The following CCDC47 variants were observed in gnomAD, a reference collection of about 807,000 sequenced individuals.
CCDC47 encodes the protein coiled-coil domain containing 47, also known as PAT complex subunit CCDC47.
CCDC47 carries 41 observed loss-of-function variants against 60.5 expected under a neutral mutation model. The ratio of observed to expected loss-of-function variants is 0.68; its 90% CI spans 0.53 to 0.88. The LOEUF (loss-of-function observed/expected upper bound fraction) is 0.88, where lower values mean the gene tolerates loss of function less well. Among genes scored for constraint, CCDC47 ranks in the 40% least tolerant of loss-of-function variants. The probability of loss-of-function intolerance (pLI) is 0.00; values close to 1 mark genes in which losing one functional copy is unlikely to be tolerated. For missense variants in CCDC47, 513 were observed against 580.9 expected, an observed-to-expected ratio of 0.88 and a Z score of 1.20; for synonymous variants, 195 against 190.7, an observed-to-expected ratio of 1.02 and a Z score of -0.18.
rs938028939 is a variant in CCDC47 at position 63,765,958 on chromosome 17, C to G, written c.218G>C (p.Gly73Ala). 1.2e-6 allele frequency: 2 copies of G among 1,614,020 alleles called. No individual in the cohort carries two copies. The highest frequency in any genetic ancestry group is 1.7e-6 in the Non-Finnish European group (2 of 1,179,968). The change falls in exon 2 of 13, where the codon GGG (glycine) becomes GCG (alanine). Residue 73 changes from glycine (G) to alanine (A), a missense_variant. Transcript: ENST00000225726. The part of the protein sequence containing the change: ...DEDETTVELE[G>A]QDENQEGDFE... ...ATCTCCTTCTTGGTTTTCATCCTGC[C>G]CTTCCAACTCCACAGTGGTCTCATC...
intron 3 of CCDC47, among the ~76,000 whole-genome samples, chr17:63,764,509 G>A (rs1285657614): frequency 6.6e-6 from 1 of 151,706 alleles, no homozygotes; most frequent in African/African-American, 2.4e-5. Flanking sequence ...TCCCTGATAA[G>A]TAGTAAAACT....
At position 63,756,572 on chromosome 17, in the gene CCDC47, TTTTAAAAAAA is replaced by T; in HGVS notation, c.736-12_736-3del. On this transcript the variant is annotated splice_region_variant and splice_polypyrimidine_tract_variant and intron_variant, in intron 6 of 12. Transcript: ENST00000225726. Reference sequence around the variant, plus strand: ...ATCATTCATGGTTACTTTTATTTGCTTTTAAAAAAATGTAAAAAACAACAAAATTCACCTG... The same window carrying T: ...ATCATTCATGGTTACTTTTATTTGCTTGTAAAAAACAACAAAATTCACCTG... 6.2e-7 allele frequency: 1 copy of T among 1,607,926 alleles called. No homozygotes were observed. Among genetic ancestry groups the T allele is most frequent in the Non-Finnish European group, 8.5e-7 (1 of 1,175,230 alleles).
intron 2 of CCDC47, chr17:63,765,626 C>G (rs1002038670): frequency 6.6e-6 from 7 of 1,065,098 alleles, no homozygotes; most frequent in Non-Finnish European, 6.9e-6. Context: ...AGGCATGAGC[C>G]ACCGTGCCCA....
At chr17:63,773,389 G>A (rs188786413) in intron 1 of CCDC47, 23 bp downstream of exon 1, 2 of 152,318 alleles carry the variant, frequency 1.3e-5, no homozygotes, top group Non-Finnish European at 2.9e-5. Context: ...ACGCCGACGA[G>A]CGCGTCCTGG....
rs1246175351 is a variant in CCDC47 at position 63,761,333 on chromosome 17, T to C, written c.566A>G (p.Lys189Arg). Residue 189 changes from lysine (K) to arginine (R), a missense_variant, in exon 5 of 13, where the codon AAA (lysine) becomes AGA (arginine). Coordinates refer to ENST00000225726, the MANE Select transcript of CCDC47 (RefSeq NM_020198.3). ...FTLVGDDGTN[K>R]EATSTGKLNQ... ...CAACTTTCCTGTGCTTGTGGCTTCT[T>C]TGTTAGTTCCATCATCCCCTAGGGG... is the stretch of plus-strand genomic sequence containing the variant. 5 of 1,613,856 alleles carry C rather than the reference T, an allele frequency of 3.1e-6. No individual in the cohort carries two copies. The highest frequency in any genetic ancestry group is 1.7e-5 in the Admixed American group (1 of 59,976).
intron 1 of CCDC47, among the ~76,000 whole-genome samples, chr17:63,767,713 T>C (rs1309423147): frequency 2.0e-5 from 3 of 152,144 alleles, no homozygotes; most frequent in Non-Finnish European, 2.9e-5. Flanking sequence ...ATTGTTCTTT[T>C]TTTAAAAAAA....
chr17:63,761,146 T>G, intron 5 of CCDC47, 84 bp downstream of exon 5: 1 of 1,544,736 alleles, frequency 6.5e-7, no homozygotes. Flanking sequence ...CATGAAGGGA[T>G]AAGATGCTGA....
rs1038795273 is a variant in CCDC47, at chr17:63,773,433, G to C, written c.-41C>G. ...TTACCTGTGGCCGAAGCCGAAACCC[G>C]GCCCAGCGCCCTGCGTCCGACACCC... On this transcript the variant is annotated 5_prime_UTR_variant, in exon 1 of 13. Transcript: ENST00000225726. The C allele has an allele frequency of 2.0e-5, 3 of 152,380 alleles. No homozygotes were observed. Among genetic ancestry groups the C allele is most frequent in the South Asian group, 2.1e-4 (1 of 4,838 alleles). The allele number at this position is 152,380 out of a possible 1,614,324, so 9.4% of individuals were successfully genotyped here. A position where few individuals can be genotyped will look rare whatever the true frequency, so the allele number is the denominator to read the frequency against.
chr17:63,750,181 T>C (rs2144468458), intron 12 of CCDC47, among the ~76,000 whole-genome samples: 1 of 152,272 alleles, frequency 6.6e-6, no homozygotes, highest in East Asian at 1.9e-4. Context: ...TTTAACTCAT[T>C]ATAGTTTCAA....
chr17:63,760,963 T>C lies in CCDC47; in HGVS notation c.686A>G (p.Asp229Gly), dbSNP rs746553888. 2.5e-6 allele frequency: 4 copies of C among 1,613,466 alleles called. No homozygotes were observed. The highest frequency in any genetic ancestry group is 3.4e-6 in the Non-Finnish European group (4 of 1,179,650). ...LIQLRFLKRQ[D>G]LLNVLARMMR... is the part of the protein sequence containing the mutation. ...CATCCGGGCCAGGACATTCAGTAAG[T>C]CTTGTCTCTTGAGGAACTGAAAAAA... is the stretch of plus-strand genomic sequence containing the variant. Residue 229 changes from aspartate (D) to glycine (G), a missense_variant, in exon 6 of 13, where the codon GAC becomes GGC. Transcript: ENST00000225726.
In CCDC47 at chr17:63,769,561, C is replaced by T. The variant is rs183076293; in HGVS notation, c.-19-3367G>A. 8.4e-4 allele frequency among the ~76,000 whole-genome samples: 119 copies of T among 142,216 alleles called. 1 individual carries two copies. In the Middle Eastern group the frequency reaches 0.019, roughly 22 times the overall value. The allele number at this position is 142,216 out of a possible 152,430, so 93.3% of individuals were successfully genotyped here. On this transcript the variant is annotated intron_variant, in intron 1 of 12. Coordinates refer to ENST00000225726, the MANE Select transcript of CCDC47 (RefSeq NM_020198.3). ...TCAGGAGGTGGAGGTTGCAGTGAGC[C>T]GAGACAGCGCCATTGCAGTCCAGCC... is the stretch of plus-strand genomic sequence containing the variant.
At chr17:63,752,542 G>A in intron 10 of CCDC47, 113 bp from the exon 11 acceptor site, 1 of 784,684 alleles carries the variant, frequency 1.3e-6, no homozygotes, top group South Asian at 2.3e-5. Context: ...AAGTTTGTTA[G>A]GCAGTTAAAA....
chr17:63,753,850 A>G (rs979979552), intron 9 of CCDC47, among the ~76,000 whole-genome samples: 3 of 152,196 alleles, frequency 2.0e-5, no homozygotes, highest in African/African-American at 7.2e-5. Flanking sequence ...GCTCACGCTT[A>G]TAATTCCAGC....
intron 6 of CCDC47, among the ~76,000 whole-genome samples, chr17:63,760,062 C>CAAAAAAAAAAAAAAAAAAAAAAAAAAAA: frequency 1.0e-5 from 1 of 98,460 alleles, no homozygotes; most frequent in Non-Finnish European, 2.0e-5. Context: ...GACTCCGTCT[C>CAAAAAAAAAAAAAAAAAAAAAAAAAAAA]AAAAAAAAAA....
intron 11 of CCDC47, 41 bp from the exon 12 acceptor site, chr17:63,752,148 T>C: frequency 6.3e-7 from 1 of 1,599,628 alleles, no homozygotes; most frequent in African/African-American, 1.3e-5. Flanking sequence ...AATCCATTTC[T>C]AGTCAACAGC....
chr17:63,748,519 G>T (rs1439229351), intron 12 of CCDC47, among the ~76,000 whole-genome samples: 1 of 152,010 alleles, frequency 6.6e-6, no homozygotes, highest in Non-Finnish European at 1.5e-5. Flanking sequence ...CTGCCTCCCA[G>T]GTTCGATCCC....
chr17:63,750,474 C>T (rs1050360927), intron 12 of CCDC47, among the ~76,000 whole-genome samples: 2 of 152,162 alleles, frequency 1.3e-5, no homozygotes, highest in Non-Finnish European at 2.9e-5. Context: ...AATGCAGGCC[C>T]GCACAGCAGC....
At chr17:63,761,564 G>A (rs1005195015) in intron 4 of CCDC47, 19 of 344,934 alleles carry the variant, frequency 5.5e-5, no homozygotes, top group Non-Finnish European at 8.3e-5. Context: ...GGGCATGGTG[G>A]CGCGTACCTG....
At chr17:63,769,608 C>CATCT (rs1247492429) in intron 1 of CCDC47, among the ~76,000 whole-genome samples, 1 of 102,226 alleles carries the variant, frequency 9.8e-6, no homozygotes, top group Non-Finnish European at 1.9e-5. Flanking sequence ...AGTGAAACTC[C>CATCT]ATCTCAAAAA....
Sources: allele counts gnomAD v4.1 joint callset (sites outside exome capture counted in the v4.1 genomes callset), GRCh38; gene constraint gnomAD v4.1.1; transcripts MANE v1.5; gene names NCBI Gene and HGNC (gene_info 2026-07-23, HGNC 2026-07-21).